The following SCAF8 variants were observed in gnomAD, a reference collection of about 807,000 sequenced individuals.
SCAF8 encodes the protein SR-related and CTD-associated factor 8.
A neutral mutation model predicts 140.5 loss-of-function variants in SCAF8; 23 were observed. The ratio of observed to expected loss-of-function variants is 0.16; its 90% CI spans 0.12 to 0.23. The LOEUF (loss-of-function observed/expected upper bound fraction) is 0.23. Among genes scored for constraint, SCAF8 ranks in the 10% least tolerant of loss-of-function variants. The pLI is 1.00. For synonymous variants in SCAF8, 575 were observed against 528.9 expected, an observed-to-expected ratio of 1.09 and a Z score of -1.20; for missense variants, 1,397 against 1,555.7, an observed-to-expected ratio of 0.90 and a Z score of 1.72.
intron 16 of SCAF8, among the ~76,000 whole-genome samples, chr6:154,823,532 T>G (rs879497642): frequency 5.9e-5 from 9 of 152,140 alleles, no homozygotes; most frequent in Admixed American, 1.3e-4. Context: ...GGACTTTGCC[T>G]GGTACGATTG....
At chr6:154,787,830 C>T (rs745496155) in intron 3 of SCAF8, 31 bp from the exon 4 acceptor site, 22 of 1,561,230 alleles carry the variant, frequency 1.4e-5, no homozygotes, top group Admixed American at 3.8e-5. Context: ...TTTCCGTTTC[C>T]TTTCCTTTTC....
At chr6:154,761,931 A>G (rs1208203114) in intron 1 of SCAF8, among the ~76,000 whole-genome samples, 1 of 152,194 alleles carries the variant, frequency 6.6e-6, no homozygotes, top group Non-Finnish European at 1.5e-5. Flanking sequence ...TAATGAAACA[A>G]ATCTGTTATT....
At chr6:154,749,921 A>C (rs1386810805) in intron 1 of SCAF8, among the ~76,000 whole-genome samples, 1 of 152,166 alleles carries the variant, frequency 6.6e-6, no homozygotes, top group African/African-American at 2.4e-5. Flanking sequence ...TGAGGGGCTC[A>C]ATTAAAGTAA....
Position 154,736,738 on chromosome 6 carries a change from C to G in SCAF8, c.30+2808C>G, listed in dbSNP as rs138979048. Among the ~76,000 whole-genome samples the G allele has an allele frequency of 2.4e-3, 370 of 152,200 alleles. 2 individuals carry two copies. Among genetic ancestry groups the G allele is most frequent in the African/African-American group, 8.2e-3 (341 of 41,528 alleles). The stretch of plus-strand genomic sequence containing the variant: ...TTACATGTGTAGATAGGTGTTTCAC[C>G]TGTTTTCTCATTTTACAGGAACTTG... On this transcript the variant is annotated intron_variant, in intron 1 of 19. Coordinates refer to ENST00000367178, the MANE Select transcript of SCAF8 (RefSeq NM_014892.5).
At chr6:154,810,843 A>G (rs1778069002) in intron 12 of SCAF8, among the ~76,000 whole-genome samples, 1 of 152,130 alleles carries the variant, frequency 6.6e-6, no homozygotes, top group Non-Finnish European at 1.5e-5. Context: ...AAGATGAACT[A>G]AGAGTTTACA....
intron 1 of SCAF8, among the ~76,000 whole-genome samples, chr6:154,770,388 A>ACACTCTCTCTCTCTCTCTCTCT (rs1384942827): frequency 1.4e-5 from 2 of 141,918 alleles, no homozygotes; most frequent in African/African-American, 2.6e-5. Context: ...ACACACACAC[A>ACACTCTCTCTCTCTCTCTCTCT]CTCTCTCTCT....
chr6:154,761,508 A>C (rs1776401895), intron 1 of SCAF8, among the ~76,000 whole-genome samples: 1 of 152,200 alleles, frequency 6.6e-6, no homozygotes, highest in Non-Finnish European at 1.5e-5. Flanking sequence ...AAAACAAAAC[A>C]AAACCAAAAA....
chr6:154,735,145 GA>G (rs1251801763), intron 1 of SCAF8, among the ~76,000 whole-genome samples: 1 of 149,442 alleles, frequency 6.7e-6, no homozygotes, highest in African/African-American at 2.5e-5. Flanking sequence ...AAAAGAAAAA[GA>G]AAAAGTGTAA....
chr6:154,735,390 C>G (rs892089458), intron 1 of SCAF8, among the ~76,000 whole-genome samples: 3 of 151,940 alleles, frequency 2.0e-5, no homozygotes, highest in African/African-American at 7.3e-5. Context: ...AGAGGCTAAA[C>G]GGTAGATAAT....
At chr6:154,824,633 G>C (rs1302120720) in intron 17 of SCAF8, among the ~76,000 whole-genome samples, 3 of 152,072 alleles carry the variant, frequency 2.0e-5, no homozygotes, top group Non-Finnish European at 4.4e-5. Context: ...GAGAAATATT[G>C]AATTTCTTTA....
intron 9 of SCAF8, among the ~76,000 whole-genome samples, chr6:154,807,860 T>C (rs1299435516): frequency 6.6e-6 from 1 of 152,244 alleles, no homozygotes; most frequent in Non-Finnish European, 1.5e-5. Context: ...CCCTTCCTTT[T>C]ATGGAGCTGT....
chr6:154,795,229 T>C, intron 6 of SCAF8, 90 bp downstream of exon 6: 1 of 1,148,492 alleles, frequency 8.7e-7, no homozygotes. Context: ...AGAGAATATG[T>C]GCTTTTTTTA....
rs375987770 is a variant in SCAF8 at position 154,793,023 on chromosome 6, C to T, written c.475+47C>T. ...TTGTTGTCTAAATATTCTACTCATACTTTTTGGATGACTGTTCATATAAAA... is the reference window on the plus strand; with the variant it reads ...TTGTTGTCTAAATATTCTACTCATATTTTTTGGATGACTGTTCATATAAAA... On this transcript the variant is annotated intron_variant, in intron 5 of 19. Transcript: ENST00000367178. 3 of 1,442,320 alleles carry T rather than the reference C, an allele frequency of 2.1e-6. No individual in the cohort carries two copies. In the South Asian group the frequency reaches 4.4e-5, roughly 21 times the overall value. The allele number at this position is 1,442,320 out of a possible 1,614,324, so 89.3% of individuals were successfully genotyped here.
intron 1 of SCAF8, among the ~76,000 whole-genome samples, chr6:154,754,009 T>C (rs564814683): frequency 3.3e-5 from 5 of 152,314 alleles, no homozygotes; most frequent in African/African-American, 1.2e-4. Flanking sequence ...GGTCTCCATA[T>C]TGTTTTTGTA....
intron 14 of SCAF8, 86 bp downstream of exon 14, chr6:154,818,678 G>T (rs1778324866): frequency 3.5e-6 from 2 of 564,062 alleles, no homozygotes; most frequent in East Asian, 3.0e-5. Flanking sequence ...TCACAAGAGG[G>T]TCACAAGCTC....
At position 154,822,351 on chromosome 6, in the gene SCAF8, A is replaced by G; in HGVS notation, c.1868A>G (p.Lys623Arg). ...QTTQSPTPVE[K>R]ETVVTTQAEV... ...ACTCAGAGCCCAACTCCAGTTGAAA[A>G]GGAGACAGTGGTCACAACCCAGGCA... The change falls in exon 16 of 20, where the codon AAG (lysine) becomes AGG (arginine). Residue 623 changes from lysine (K) to arginine (R), a missense_variant. Physicochemically the swap from Lys to Arg is conservative, Grantham distance 26. Coordinates refer to ENST00000367178, the MANE Select transcript of SCAF8 (RefSeq NM_014892.5). The G allele has an allele frequency of 6.2e-7, 1 of 1,613,844 alleles. No individual in the cohort carries two copies. Among genetic ancestry groups the G allele is most frequent in the Non-Finnish European group, 8.5e-7 (1 of 1,179,782 alleles).
At chr6:154,757,974 AATCTT>A (rs1049887095) in intron 1 of SCAF8, among the ~76,000 whole-genome samples, 17 of 145,690 alleles carry the variant, frequency 1.2e-4, no homozygotes, top group African/African-American at 4.1e-4. Flanking sequence ...ACAGTGGCGT[AATCTT>A]GGCTCACTGC....
At chr6:154,757,536 C>T (rs1778997254) in intron 1 of SCAF8, among the ~76,000 whole-genome samples, 1 of 152,180 alleles carries the variant, frequency 6.6e-6, no homozygotes, top group Admixed American at 6.5e-5. Flanking sequence ...CCTTTGAAAC[C>T]TTATACTAAA....
chr6:154,832,047 A>C lies in SCAF8; in HGVS notation c.2468A>C (p.Asn823Thr), dbSNP rs745976846. 6.2e-7 allele frequency: 1 copy of C among 1,614,106 alleles called. No individual in the cohort carries two copies. The highest frequency in any genetic ancestry group is 2.2e-5 in the East Asian group (1 of 44,882). Residue 823 changes from asparagine to threonine, a missense_variant, in exon 20 of 20, where the codon AAT becomes ACT. Coordinates refer to ENST00000367178, the MANE Select transcript of SCAF8 (RefSeq NM_014892.5). ...LGVQRPNVSS[N>T]SEILGVRPSN... ...GTCCAAAGACCAAATGTATCAAGTAATTCTGAAATTCTTGGGGTCCGGCCA... is the reference window on the plus strand; with the variant it reads ...GTCCAAAGACCAAATGTATCAAGTACTTCTGAAATTCTTGGGGTCCGGCCA...
Sources: gnomAD v4.1 joint callset for allele counts (sites outside exome capture counted in the v4.1 genomes callset) on GRCh38, gnomAD v4.1.1 for gene constraint, MANE v1.5 for transcripts, NCBI Gene and HGNC (gene_info 2026-07-23, HGNC 2026-07-21) for gene names.